Variants in ZNHIT6 observed in about 807,000 individuals in gnomAD.
The protein encoded by ZNHIT6 is box C/D snoRNA protein 1.
In ZNHIT6, 45 loss-of-function variants were observed where a neutral mutation model predicts 57.2. The ratio of observed to expected loss-of-function variants is 0.79; its 90% CI spans 0.62 to 1.01. ZNHIT6 has a LOEUF of 1.01. Among genes scored for constraint, ZNHIT6 ranks in the 50% least tolerant of loss-of-function variants. The probability of loss-of-function intolerance (pLI) is 0.00; values close to 1 mark genes in which losing one functional copy is unlikely to be tolerated. For missense variants in ZNHIT6, 528 were observed against 567.3 expected, an observed-to-expected ratio of 0.93 and a Z score of 0.70; for synonymous variants, 188 against 190.0, an observed-to-expected ratio of 0.99 and a Z score of 0.09.
Position 85,706,378 on chromosome 1 carries a change from C to G in ZNHIT6, c.723-23G>C, listed in dbSNP as rs966892407. 7 of 1,613,502 alleles carry G rather than the reference C, an allele frequency of 4.3e-6. No homozygotes were observed. The Admixed American group carries it at 8.3e-5, about 19-fold the overall frequency. On this transcript the variant is annotated intron_variant, in intron 2 of 9. Transcript: ENST00000370574. ...AAACTGAAAAGACAAAGGGGAAGTA[C>G]TTTTATATTTTAGGGTAAGAAAGGT...
intron 8 of ZNHIT6, 32 bp downstream of exon 8, chr1:85,677,204 A>G: frequency 6.6e-7 from 1 of 1,525,714 alleles, no homozygotes; most frequent in Non-Finnish European, 8.9e-7. Context: ...ACTAAAAAAT[A>G]TTTAAAGAAA....
At chr1:85,676,255 G>A (rs906351787) in intron 8 of ZNHIT6, among the ~76,000 whole-genome samples, 5 of 149,676 alleles carry the variant, frequency 3.3e-5, no homozygotes, top group Non-Finnish European at 7.4e-5. Flanking sequence ...AGAATCGCTT[G>A]AACCTGGGAG....
chr1:85,663,694 A>G (rs1273649291), intron 8 of ZNHIT6, among the ~76,000 whole-genome samples: 1 of 152,184 alleles, frequency 6.6e-6, no homozygotes, highest in Non-Finnish European at 1.5e-5. Flanking sequence ...TTTCCTTTCT[A>G]TAGTTAGTAC....
chr1:85,670,940 T>C (rs1661540897), intron 8 of ZNHIT6, among the ~76,000 whole-genome samples: 1 of 152,174 alleles, frequency 6.6e-6, no homozygotes, highest in Non-Finnish European at 1.5e-5. Flanking sequence ...GCTTACTCGA[T>C]GCCAGGAACA....
Position 85,657,803 on chromosome 1 carries a change from C to T in ZNHIT6, c.1372+44G>A, listed in dbSNP as rs531743558. On this transcript the variant is annotated intron_variant, in intron 9 of 9. Transcript: ENST00000370574. ...GGGTGGACATATTTTGCTTTGGTTT[C>T]TCTAAAGCTATTCTAAGCATTACAG... 6 of 1,584,502 alleles carry T rather than the reference C, an allele frequency of 3.8e-6. No individual in the cohort carries two copies. In the East Asian group the frequency reaches 1.1e-4, roughly 30 times the overall value.
chr1:85,690,752 G>A (rs889413162), intron 5 of ZNHIT6, among the ~76,000 whole-genome samples: 1 of 152,134 alleles, frequency 6.6e-6, no homozygotes, highest in African/African-American at 2.4e-5. Context: ...TTGGCTGGGC[G>A]GGGTAGCTCA....
intron 8 of ZNHIT6, among the ~76,000 whole-genome samples, chr1:85,663,075 A>C (rs1661271480): frequency 6.6e-6 from 1 of 152,154 alleles, no homozygotes; most frequent in Non-Finnish European, 1.5e-5. Flanking sequence ...ATAACTCCAC[A>C]AGGAGACTCA....
chr1:85,700,746 C>G (rs568531967), intron 5 of ZNHIT6, among the ~76,000 whole-genome samples: 1 of 152,304 alleles, frequency 6.6e-6, no homozygotes, highest in African/African-American at 2.4e-5. Context: ...ATGTCAATTT[C>G]TAAATATGCC....
chr1:85,695,309 G>A (rs1269161410), intron 5 of ZNHIT6, among the ~76,000 whole-genome samples: 1 of 151,736 alleles, frequency 6.6e-6, no homozygotes, highest in African/African-American at 2.4e-5. Context: ...GACAAAAACT[G>A]AAAAAGCATA....
intron 5 of ZNHIT6, among the ~76,000 whole-genome samples, chr1:85,693,885 G>A (rs1033360108): frequency 6.6e-6 from 1 of 152,214 alleles, no homozygotes; most frequent in East Asian, 1.9e-4. Context: ...TTGGGAAGCC[G>A]AGGTGGGAGG....
At chr1:85,658,851 A>C (rs999231602) in intron 8 of ZNHIT6, among the ~76,000 whole-genome samples, 15 of 152,064 alleles carry the variant, frequency 9.9e-5, no homozygotes, top group African/African-American at 2.9e-4. Context: ...AGCCTGGGCA[A>C]GAAGAGTGAA....
At position 85,653,948 on chromosome 1, in the gene ZNHIT6, A is replaced by T; in HGVS notation, c.*110T>A. 2 of 795,476 alleles carry T rather than the reference A, an allele frequency of 2.5e-6. No individual in the cohort carries two copies. Among genetic ancestry groups the T allele is most frequent in the Non-Finnish European group, 4.1e-6 (2 of 488,916 alleles). 49.3% of individuals were successfully genotyped at this position (795,476 alleles called of 1,614,324 possible). On this transcript the variant is annotated 3_prime_UTR_variant, in exon 10 of 10. Coordinates refer to ENST00000370574, the MANE Select transcript of ZNHIT6 (RefSeq NM_017953.4). ...AGTTAAGCTTATTTTTCATACAAAG[A>T]AAAAATTCCAATCACCCATTGACAA...
At chr1:85,704,734 T>C (rs918756811) in intron 4 of ZNHIT6, among the ~76,000 whole-genome samples, 2 of 152,170 alleles carry the variant, frequency 1.3e-5, no homozygotes, top group African/African-American at 4.8e-5. Context: ...AATGTAATTA[T>C]GTCTGTACCA....
chr1:85,654,137 AT>A, intron 9 of ZNHIT6, 39 bp from the exon 10 acceptor site: 1 of 1,585,192 alleles, frequency 6.3e-7, no homozygotes, highest in South Asian at 1.1e-5. Context: ...AAGTGTTTAT[AT>A]TTTTCTGTTT....
intron 5 of ZNHIT6, among the ~76,000 whole-genome samples, chr1:85,681,934 T>G (rs1424026391): frequency 6.6e-6 from 1 of 151,944 alleles, no homozygotes; most frequent in African/African-American, 2.4e-5. Context: ...ATATTCATTA[T>G]CTGTGAAATA....
intron 8 of ZNHIT6, among the ~76,000 whole-genome samples, chr1:85,670,364 A>T (rs1023403805): frequency 2.0e-5 from 3 of 152,292 alleles, no homozygotes; most frequent in Non-Finnish European, 4.4e-5. Flanking sequence ...CATTTAAAGG[A>T]AAAGTTGCCC....
chr1:85,663,922 C>T (rs1214432833), intron 8 of ZNHIT6, among the ~76,000 whole-genome samples: 1 of 120,796 alleles, frequency 8.3e-6, no homozygotes, highest in Non-Finnish European at 1.9e-5. Flanking sequence ...TGTAGGTGAT[C>T]CGTCTCTGTA....
At chr1:85,676,812 T>C (rs985195499) in intron 8 of ZNHIT6, among the ~76,000 whole-genome samples, 4 of 152,170 alleles carry the variant, frequency 2.6e-5, no homozygotes, top group South Asian at 4.1e-4. Flanking sequence ...ACGAAAAAGT[T>C]TGAAATATTG....
chr1:85,698,419 G>A (rs966640157), intron 5 of ZNHIT6, among the ~76,000 whole-genome samples: 4 of 152,074 alleles, frequency 2.6e-5, no homozygotes, highest in African/African-American at 9.7e-5. Flanking sequence ...GAGTAATTCA[G>A]GTACAATGGC....
Sources: allele counts gnomAD v4.1 joint callset (sites outside exome capture counted in the v4.1 genomes callset), GRCh38; gene constraint gnomAD v4.1.1; transcripts MANE v1.5; gene names NCBI Gene and HGNC (gene_info 2026-07-23, HGNC 2026-07-21).